CRLF1: variants seen among roughly 807,000 people sequenced by gnomAD.
CRLF1 encodes the protein cytokine receptor like factor 1, also known as cytokine receptor-like factor 1.
In CRLF1, 36 loss-of-function variants were observed where a neutral mutation model predicts 48.9. The ratio of observed to expected loss-of-function variants is 0.74; its 90% CI spans 0.56 to 0.97. The LOEUF (loss-of-function observed/expected upper bound fraction) is 0.97, where lower values mean the gene tolerates loss of function less well. CRLF1 is among the 50% of genes least tolerant of loss of function. The pLI, the probability that CRLF1 is intolerant of heterozygous loss-of-function variation, is 0.00. For missense variants in CRLF1, 534 were observed against 575.1 expected, an observed-to-expected ratio of 0.93 and a Z score of 0.73; for synonymous variants, 256 against 253.4, an observed-to-expected ratio of 1.01 and a Z score of -0.10.
chr19:18,605,097 T>G (rs920156634), intron 1 of CRLF1, among the ~76,000 whole-genome samples: 16 of 152,064 alleles, frequency 1.1e-4, no homozygotes, highest in African/African-American at 3.9e-4. Flanking sequence ...TGAGAATCTT[T>G]TATTTAATTT....
At chr19:18,593,771 G>T (rs530362686) in intron 8 of CRLF1, 192 bp from the exon 9 acceptor site, 1 of 985,360 alleles carries the variant, frequency 1.0e-6, no homozygotes, top group Non-Finnish European at 1.2e-6. Flanking sequence ...CGCGGAGCCA[G>T]TATGCAGTAG....
chr19:18,598,253 C>T (rs1358971110), intron 4 of CRLF1, among the ~76,000 whole-genome samples, 179 bp downstream of exon 4: 4 of 152,134 alleles, frequency 2.6e-5, no homozygotes, highest in East Asian at 1.9e-4. Flanking sequence ...GACTGATGAG[C>T]GGATGCTCAG....
At chr19:18,605,717 C>CG (rs1976283857) in intron 1 of CRLF1, among the ~76,000 whole-genome samples, 1 of 152,158 alleles carries the variant, frequency 6.6e-6, no homozygotes, top group South Asian at 2.1e-4. Flanking sequence ...CGTATCCTTG[C>CG]GGGGGTGTTC....
rs532927701 is a variant in CRLF1, at chr19:18,596,600, C to T, written c.1024+22G>A. The T allele has an allele frequency of 6.8e-6, 11 of 1,610,868 alleles. No individual in the cohort carries two copies. In the South Asian group the frequency reaches 1.1e-4, roughly 16 times the overall value. On this transcript the variant is annotated intron_variant, in intron 6 of 8. Coordinates refer to ENST00000392386, the MANE Select transcript of CRLF1 (RefSeq NM_004750.5). ...GGTTTCGGACTGGCCGCTGGATCACCCAGCCCTAGGAGGGTGCTCACCACT... is the reference window on the plus strand; with the variant it reads ...GGTTTCGGACTGGCCGCTGGATCACTCAGCCCTAGGAGGGTGCTCACCACT...
Position 18,593,583 on chromosome 19 carries a change from C to T in CRLF1, c.1256-4G>A, listed in dbSNP as rs1976085288. ...CCTACAGCTTATCTGGCAGGACCTG[C>T]AGGCAGAGGGGAAGCCAAGCTAAGC... On this transcript the variant is annotated splice_region_variant and splice_polypyrimidine_tract_variant and intron_variant, in intron 8 of 8. Coordinates refer to ENST00000392386, the MANE Select transcript of CRLF1 (RefSeq NM_004750.5). 6.2e-7 allele frequency: 1 copy of T among 1,608,396 alleles called. No homozygotes were observed.
chr19:18,599,749 G>C lies in CRLF1; in HGVS notation c.213C>G (p.Ala71=), dbSNP rs201940100. Residue 71 remains alanine (A), a synonymous_variant, in exon 2 of 9, where the codon GCC becomes GCG. Transcript: ENST00000392386. ...SVHGDPPGAT[A]EGLYWTLNGR... is the part of the protein sequence containing the mutation. ...CGTTGAGGGTCCAGTAGAGGCCCTC[G>C]GCGGTGGCTCCTGGTGGGTCTCCGT... 2 of 1,601,482 alleles carry C rather than the reference G, an allele frequency of 1.2e-6. No individual in the cohort carries two copies. The highest frequency in any genetic ancestry group is 4.5e-5 in the East Asian group (2 of 44,446).
At chr19:18,604,469 G>A (rs1600657552) in intron 1 of CRLF1, among the ~76,000 whole-genome samples, 1 of 152,322 alleles carries the variant, frequency 6.6e-6, no homozygotes, top group East Asian at 1.9e-4. Context: ...AAAATGGGAG[G>A]AGAAATACGT....
At chr19:18,598,252 G>T (rs1291180035) in intron 4 of CRLF1, among the ~76,000 whole-genome samples, 180 bp downstream of exon 4, 1 of 152,206 alleles carries the variant, frequency 6.6e-6, no homozygotes, top group African/African-American at 2.4e-5. Context: ...GGACTGATGA[G>T]CGGATGCTCA....
rs1414700001 is a variant in CRLF1 at position 18,598,607 on chromosome 19, G to A, written c.528-6C>T. 1 of 1,614,006 alleles carries A rather than the reference G, an allele frequency of 6.2e-7. No homozygotes were observed. The highest frequency in any genetic ancestry group is 8.5e-7 in the Non-Finnish European group (1 of 1,179,970). On this transcript the variant is annotated splice_region_variant and splice_polypyrimidine_tract_variant and intron_variant, in intron 3 of 8. Transcript: ENST00000392386. ...TGTTGTCCTGGCCATACCACCTGCGGGGATGGGAGGGCGACAGGACGCATG... is the reference window on the plus strand; with the variant it reads ...TGTTGTCCTGGCCATACCACCTGCGAGGATGGGAGGGCGACAGGACGCATG...
chr19:18,596,686 G>C lies in CRLF1; in HGVS notation c.960C>G (p.Gly320=), dbSNP rs755980118. ...CACTCCAGATCCCGGCTTTCTTGGA[G>C]CCATAGATGCCAAAGGGGTTGCAGC... is the stretch of plus-strand genomic sequence containing the variant. ...QVRCNPFGIY[G]SKKAGIWSEW... The change falls in exon 6 of 9, where the codon GGC becomes GGG. Residue 320 remains glycine, a synonymous_variant. Transcript: ENST00000392386. 1 of 1,614,114 alleles carries C rather than the reference G, an allele frequency of 6.2e-7. No homozygotes were observed. Among genetic ancestry groups the C allele is most frequent in the East Asian group, 2.2e-5 (1 of 44,880 alleles).
chr19:18,606,532 G>A lies in CRLF1; in HGVS notation c.115+10C>T, dbSNP rs1206063536. 7 of 1,161,752 alleles carry A rather than the reference G, an allele frequency of 6.0e-6. No individual in the cohort carries two copies. The highest frequency in any genetic ancestry group is 7.4e-6 in the Non-Finnish European group (7 of 943,578). The allele number at this position is 1,161,752 out of a possible 1,614,324, so 72.0% of individuals were successfully genotyped here. ...GGCAGGGGGGAAGGAGTGGGGCGCC[G>A]GGTACTCACGGGCTCCTGATCCGGC... On this transcript the variant is annotated intron_variant, in intron 1 of 8. Coordinates refer to ENST00000392386, the MANE Select transcript of CRLF1 (RefSeq NM_004750.5). This position sits in a 1 kb window ranked among gnomAD's most constrained non-coding sequence, Gnocchi z 4.8.
rs999971011 is a variant in CRLF1 at position 18,599,567 on chromosome 19, C to T, written c.395G>A (p.Gly132Asp). The T allele has an allele frequency of 6.2e-7, 1 of 1,612,332 alleles. No homozygotes were observed. Among genetic ancestry groups the T allele is most frequent in the Non-Finnish European group, 8.5e-7 (1 of 1,180,026 alleles). ...GGGTGTCCTGGGTGCCAACTTACGG[C>T]CAACATAGAGGCAGGAGCCAGCCAG... ...SILAGSCLYV[G>D]LPPEKPVNIS... Residue 132 changes from glycine to aspartate, a missense_variant and splice_region_variant, in exon 2 of 9, where the codon GGC becomes GAC. Transcript: ENST00000392386.
At chr19:18,597,431 CT>C (rs765610119) in intron 4 of CRLF1, among the ~76,000 whole-genome samples, 21 of 81,622 alleles carry the variant, frequency 2.6e-4, no homozygotes, top group South Asian at 7.0e-4. Context: ...CCCTTCCACT[CT>C]TTTTTTTTTT....
At chr19:18,594,032 T>TGGGGGCGC in intron 8 of CRLF1, 33 bp downstream of exon 8, 3 of 695,808 alleles carry the variant, frequency 4.3e-6, no homozygotes, top group Non-Finnish European at 6.6e-6. Flanking sequence ...CTCCCCTTGC[T>TGGGGGCGC]CCCTCCCGCC....
chr19:18,601,864 C>T (rs949126669), intron 1 of CRLF1, among the ~76,000 whole-genome samples: 1 of 152,282 alleles, frequency 6.6e-6, no homozygotes, highest in Non-Finnish European at 1.5e-5. Context: ...ACTAGTTAGG[C>T]CCAGATTTTC....
chr19:18,594,032 T>TTGGGGGGG, intron 8 of CRLF1, 33 bp downstream of exon 8: 3 of 695,814 alleles, frequency 4.3e-6, no homozygotes, highest in South Asian at 1.8e-5. Flanking sequence ...CTCCCCTTGC[T>TTGGGGGGG]CCCTCCCGCC....
chr19:18,599,590 C>T lies in CRLF1; in HGVS notation c.372G>A (p.Leu124=). Residue 124 remains leucine (L), a synonymous_variant, in exon 2 of 9, where the codon CTG becomes CTA. Coordinates refer to ENST00000392386, the MANE Select transcript of CRLF1 (RefSeq NM_004750.5). ...GGCCAACATAGAGGCAGGAGCCAGC[C>T]AGGATGCTGCCGTCACGGGCGTGGC... ...LVCHARDGSI[L]AGSCLYVGLP... The T allele has an allele frequency of 6.2e-7, 1 of 1,612,752 alleles. No homozygotes were observed. Among genetic ancestry groups the T allele is most frequent in the Admixed American group, 1.7e-5 (1 of 60,028 alleles).
intron 6 of CRLF1, among the ~76,000 whole-genome samples, chr19:18,594,864 G>A (rs1976110278): frequency 6.6e-6 from 1 of 152,132 alleles, no homozygotes; most frequent in Non-Finnish European, 1.5e-5. Flanking sequence ...GAGACGCAGG[G>A]TGGGTGAAAG....
chr19:18,605,270 G>A (rs1217796037), intron 1 of CRLF1, among the ~76,000 whole-genome samples: 1 of 152,138 alleles, frequency 6.6e-6, no homozygotes, highest in Non-Finnish European at 1.5e-5. Flanking sequence ...AGGGCCCGAG[G>A]TAGCCCCTCA....
Sources: gnomAD v4.1 joint callset for allele counts (sites outside exome capture counted in the v4.1 genomes callset) on GRCh38, gnomAD v4.1.1 for gene constraint, Gnocchi (gnomAD v3.1) non-coding constraint, MANE v1.5 for transcripts, NCBI Gene and HGNC (gene_info 2026-07-23, HGNC 2026-07-21) for gene names.